The following VMP1 variants were observed in gnomAD, a reference collection of about 807,000 sequenced individuals.
The protein encoded by VMP1 is ectopic P-granules autophagy protein 3 homolog.
In VMP1, 11 loss-of-function variants were observed where a neutral mutation model predicts 56.0. The observed-to-expected ratio is 0.20, with a 90% CI of 0.12 to 0.32. The LOEUF (loss-of-function observed/expected upper bound fraction) is 0.32. Ranked by LOEUF, VMP1 falls within the 10% of genes least tolerant of loss-of-function variation. The pLI is 1.00. For synonymous variants in VMP1, 149 were observed against 165.0 expected (o/e 0.90, Z 0.74); for missense variants, 296 against 490.3 (o/e 0.60, Z 3.74).
intron 5 of VMP1, among the ~76,000 whole-genome samples, chr17:59,745,961 A>G (rs1220382110): frequency 3.9e-5 from 6 of 152,206 alleles, no homozygotes; most frequent in Admixed American, 2.0e-4. Context: ...AAATTTCCCA[A>G]TTAGGTTTTT....
At chr17:59,746,467 C>T (rs948802111) in intron 5 of VMP1, among the ~76,000 whole-genome samples, 10 of 152,076 alleles carry the variant, frequency 6.6e-5, no homozygotes, top group Admixed American at 2.6e-4. Context: ...CCAACATGCC[C>T]GGCAATATTT....
chr17:59,709,956 G>C (rs552960655), intron 1 of VMP1, among the ~76,000 whole-genome samples: 18 of 152,200 alleles, frequency 1.2e-4, no homozygotes, highest in Admixed American at 3.3e-4. Context: ...CCAGCACTTT[G>C]GGAGGCCGAG....
chr17:59,808,377 C>G (rs912512105), intron 7 of VMP1, among the ~76,000 whole-genome samples: 1 of 152,208 alleles, frequency 6.6e-6, no homozygotes, highest in Non-Finnish European at 1.5e-5. Context: ...CTTATTGCCA[C>G]ATAACTGTTT....
At chr17:59,717,399 T>G (rs1266123236) in intron 1 of VMP1, among the ~76,000 whole-genome samples, 1 of 152,178 alleles carries the variant, frequency 6.6e-6, no homozygotes, top group East Asian at 1.9e-4. Flanking sequence ...TCTTTTTTTT[T>G]GGAGACACAC....
chr17:59,832,761 A>ATTTT lies in VMP1; in HGVS notation c.975-5516_975-5513dup, dbSNP rs71145580. 2.3e-3 allele frequency among the ~76,000 whole-genome samples: 230 copies of ATTTT among 101,220 alleles called. 1 individual carries two copies. The highest frequency in any genetic ancestry group is 4.2e-3 in the African/African-American group (105 of 24,856). 66.4% of individuals were successfully genotyped at this position (101,220 alleles called of 152,430 possible). On this transcript the variant is annotated intron_variant, in intron 10 of 11. Coordinates refer to ENST00000262291, the MANE Select transcript of VMP1 (RefSeq NM_030938.5). The stretch of plus-strand genomic sequence containing the variant: ...GGCGCCCACCACCGTGCCTGGCAAT[A>ATTTT]TTTTTTTTTTTTTTTTTTTTTGTAT...
At chr17:59,817,577 A>G in intron 9 of VMP1, 135 bp from the exon 10 acceptor site, 1 of 558,606 alleles carries the variant, frequency 1.8e-6, no homozygotes, top group South Asian at 1.9e-5. Context: ...GAAATGTTAT[A>G]TTTTATTTTT....
intron 5 of VMP1, among the ~76,000 whole-genome samples, chr17:59,749,793 A>G (rs57812342): frequency 0.12 from 18,651 of 152,118 alleles, 1,270 homozygotes; most frequent in Middle Eastern, 0.24. Flanking sequence ...TACAGGCATG[A>G]GCTACCATGC....
At chr17:59,767,533 A>G (rs1452983860) in intron 6 of VMP1, among the ~76,000 whole-genome samples, 1 of 152,230 alleles carries the variant, frequency 6.6e-6, no homozygotes, top group Non-Finnish European at 1.5e-5. Flanking sequence ...GGGACTTTGT[A>G]TGTAAATTTG....
At chr17:59,718,024 G>A (rs1280836390) in intron 1 of VMP1, among the ~76,000 whole-genome samples, 1 of 151,946 alleles carries the variant, frequency 6.6e-6, no homozygotes, top group Non-Finnish European at 1.5e-5. Context: ...CTAGATTTAA[G>A]TTGAGGAACT....
At chr17:59,804,615 T>TAAAA (rs35616891) in intron 7 of VMP1, among the ~76,000 whole-genome samples, 4 of 70,148 alleles carry the variant, frequency 5.7e-5, no homozygotes, top group Admixed American at 1.9e-4. Flanking sequence ...AGACTCCAGC[T>TAAAA]AAAAAAAAAA....
intron 4 of VMP1, 37 bp downstream of exon 4, chr17:59,737,580 A>C (rs2035063999): frequency 1.3e-6 from 2 of 1,509,796 alleles, no homozygotes; most frequent in African/African-American, 1.4e-5. Context: ...AGTCTTGCAC[A>C]TTCTCTAATT....
At chr17:59,836,006 TAA>T (rs1349589831) in intron 10 of VMP1, among the ~76,000 whole-genome samples, 6 of 150,774 alleles carry the variant, frequency 4.0e-5, no homozygotes, top group Admixed American at 1.3e-4. Context: ...CTCCCTAATA[TAA>T]GTCTGCTTAA....
chr17:59,752,547 T>TA (rs916201703), intron 5 of VMP1, among the ~76,000 whole-genome samples: 9 of 152,032 alleles, frequency 5.9e-5, no homozygotes, highest in Non-Finnish European at 1.3e-4. Flanking sequence ...ATGAGTTGTA[T>TA]AAAAAAAATT....
intron 1 of VMP1, among the ~76,000 whole-genome samples, chr17:59,710,862 G>C (rs2033894975): frequency 6.6e-6 from 1 of 152,178 alleles, no homozygotes; most frequent in Admixed American, 6.5e-5. Flanking sequence ...CCTGAGATCA[G>C]GAGTTTGAGA....
chr17:59,754,551 T>G (rs2035766824), intron 5 of VMP1, among the ~76,000 whole-genome samples: 1 of 152,224 alleles, frequency 6.6e-6, no homozygotes, highest in African/African-American at 2.4e-5. Flanking sequence ...TTATTGCTCA[T>G]TTGTCTATCC....
At chr17:59,806,748 C>A in intron 7 of VMP1, among the ~76,000 whole-genome samples, 1 of 149,650 alleles carries the variant, frequency 6.7e-6, no homozygotes, top group African/African-American at 2.5e-5. Flanking sequence ...TCTGATATAA[C>A]TGATTTAGTG....
chr17:59,778,325 G>A lies in VMP1; in HGVS notation c.714+4440G>A, dbSNP rs1189757017. On this transcript the variant is annotated intron_variant, in intron 7 of 11. Transcript: ENST00000262291. ...GGAGGCAGAGGCAGGCGGATCATGA[G>A]GTCAGGAGATTGAGACCATCCTGGC... 2.0e-5 allele frequency among the ~76,000 whole-genome samples: 3 copies of A among 151,992 alleles called. No individual in the cohort carries two copies. In the South Asian group the frequency reaches 6.2e-4, roughly 32 times the overall value.
In VMP1 at chr17:59,731,406, AT is replaced by A. The variant is rs1340442085; in HGVS notation, c.-26-11del. ...AGTTTGTAATGTATTGCTGGATTTT[AT>A]TTTGCTGTATTAGCTCCTCAAGAGT... On this transcript the variant is annotated splice_polypyrimidine_tract_variant and intron_variant, in intron 1 of 11. Transcript: ENST00000262291. The A allele has an allele frequency of 6.6e-7, 1 of 1,505,116 alleles. No homozygotes were observed. The highest frequency in any genetic ancestry group is 1.4e-5 in the African/African-American group (1 of 71,178). The allele number at this position is 1,505,116 out of a possible 1,614,324, so 93.2% of individuals were successfully genotyped here. A position where few individuals can be genotyped will look rare whatever the true frequency, so the allele number is the denominator to read the frequency against.
chr17:59,737,118 C>T (rs1482527353), intron 3 of VMP1, among the ~76,000 whole-genome samples: 1 of 152,150 alleles, frequency 6.6e-6, no homozygotes, highest in Non-Finnish European at 1.5e-5. Flanking sequence ...GAAAGTGCAA[C>T]ATGAAGGGTC....
Sources: allele counts gnomAD v4.1 joint callset (sites outside exome capture counted in the v4.1 genomes callset), GRCh38; gene constraint gnomAD v4.1.1; transcripts MANE v1.5; gene names NCBI Gene and HGNC (gene_info 2026-07-23, HGNC 2026-07-21).